Variants in PDE8B observed in about 807,000 individuals in gnomAD.
The protein encoded by PDE8B is phosphodiesterase 8B.
A neutral mutation model predicts 101.3 loss-of-function variants in PDE8B; 26 were observed. The ratio of observed to expected loss-of-function variants is 0.26; its 90% CI spans 0.19 to 0.36. The LOEUF (loss-of-function observed/expected upper bound fraction) is 0.36. Among genes scored for constraint, PDE8B ranks in the 10% least tolerant of loss-of-function variants. The pLI, the probability that PDE8B is intolerant of heterozygous loss-of-function variation, is 1.00. For synonymous variants in PDE8B, 424 were observed against 429.3 expected (o/e 0.99, Z 0.15); for missense variants, 810 against 1,163.1 (o/e 0.70, Z 4.42).
At chr5:77,264,918 T>C (rs1761373536) in intron 1 of PDE8B, among the ~76,000 whole-genome samples, 1 of 152,186 alleles carries the variant, frequency 6.6e-6, no homozygotes, top group Admixed American at 6.5e-5. Context: ...ATTTAACTAC[T>C]CTTACTTTAT....
chr5:77,315,713 G>T (rs1222577187), intron 2 of PDE8B, among the ~76,000 whole-genome samples: 1 of 152,136 alleles, frequency 6.6e-6, no homozygotes, highest in African/African-American at 2.4e-5. Flanking sequence ...GTTAATACTT[G>T]CTGGTATTTT....
At chr5:77,103,491 G>T in the PDE8B span, among the ~76,000 whole-genome samples, 3 of 152,160 alleles carry the variant, frequency 2.0e-5, no homozygotes, top group Non-Finnish European at 4.4e-5. Context: ...GGAATAGCAG[G>T]AATGCTGTAT....
chr5:77,312,957 A>G (rs903425880), intron 2 of PDE8B, among the ~76,000 whole-genome samples: 3 of 152,220 alleles, frequency 2.0e-5, no homozygotes, highest in African/African-American at 7.2e-5. Flanking sequence ...TCCTCCTTGC[A>G]GCCCTTCCAG....
the PDE8B span, among the ~76,000 whole-genome samples, chr5:77,097,729 A>ATCTATCTATATATATC: frequency 1.5e-5 from 1 of 68,812 alleles, no homozygotes; most frequent in African/African-American, 3.7e-5. Flanking sequence ...ATATATATAT[A>ATCTATCTATATATATC]TATACATACA....
chr5:77,235,517 A>G (rs1322095694), intron 1 of PDE8B, among the ~76,000 whole-genome samples: 1 of 152,190 alleles, frequency 6.6e-6, no homozygotes, highest in Non-Finnish European at 1.5e-5. Flanking sequence ...TCATTTAGCT[A>G]TACAACAAGT....
At chr5:77,207,198 T>C (rs1171318719), upstream of PDE8B, among the ~76,000 whole-genome samples, 1 of 152,266 alleles carries the variant, frequency 6.6e-6, no homozygotes, top group Admixed American at 6.5e-5. Context: ...TATTTGGTTA[T>C]CTAAAAATCA....
the PDE8B span, among the ~76,000 whole-genome samples, chr5:77,117,983 G>A: frequency 6.6e-6 from 1 of 152,064 alleles, no homozygotes; most frequent in East Asian, 1.9e-4. Flanking sequence ...CCCTTAGGCT[G>A]GAGTGCAGTG....
chr5:77,214,470 T>G (rs568087636), intron 1 of PDE8B, among the ~76,000 whole-genome samples: 108 of 152,208 alleles, frequency 7.1e-4, no homozygotes, highest in Non-Finnish European at 1.3e-3. Flanking sequence ...TCAGGAAATA[T>G]CCATGAAATT....
chr5:77,305,915 CTG>C (rs1015738754), intron 1 of PDE8B, among the ~76,000 whole-genome samples: 2 of 152,172 alleles, frequency 1.3e-5, no homozygotes, highest in Admixed American at 6.5e-5. Flanking sequence ...TTGCCTTAAG[CTG>C]TGTGTGTGCG....
At chr5:77,425,053 A>C (rs1561703780) in intron 20 of PDE8B, among the ~76,000 whole-genome samples, 1 of 152,168 alleles carries the variant, frequency 6.6e-6, no homozygotes, top group Non-Finnish European at 1.5e-5. Flanking sequence ...CTATTAATAC[A>C]GTTTGGTGCT....
chr5:77,389,001 T>C (rs954188061), intron 10 of PDE8B, among the ~76,000 whole-genome samples: 1 of 152,184 alleles, frequency 6.6e-6, no homozygotes, highest in Non-Finnish European at 1.5e-5. Context: ...ATCTGAGCTT[T>C]CTGGGCTCTG....
chr5:77,389,357 G>C (rs1237388858), intron 10 of PDE8B, among the ~76,000 whole-genome samples: 2 of 152,134 alleles, frequency 1.3e-5, no homozygotes, highest in Non-Finnish European at 2.9e-5. Flanking sequence ...CCCAGGTGAG[G>C]CAATGCCCCA....
chr5:77,155,534 T>G, the PDE8B span, among the ~76,000 whole-genome samples: 1 of 152,264 alleles, frequency 6.6e-6, no homozygotes, highest in Non-Finnish European at 1.5e-5. Context: ...TCTCTCTGTG[T>G]CTGTTTCCTT....
the PDE8B span, among the ~76,000 whole-genome samples, chr5:77,204,011 T>TA: frequency 8.8e-5 from 13 of 148,102 alleles, no homozygotes; most frequent in Admixed American, 2.7e-4. Flanking sequence ...TTGTAAATGT[T>TA]AAAAAAAAAT....
chr5:77,309,277 G>T (rs1270325205), intron 1 of PDE8B, among the ~76,000 whole-genome samples: 2 of 152,004 alleles, frequency 1.3e-5, no homozygotes, highest in African/African-American at 4.8e-5. Flanking sequence ...GAGAAAGAAA[G>T]AGAGAAAGAA....
At chr5:77,224,655 G>C (rs976609129) in intron 1 of PDE8B, among the ~76,000 whole-genome samples, 2 of 152,286 alleles carry the variant, frequency 1.3e-5, no homozygotes, top group South Asian at 4.1e-4. Context: ...CAGTGTTGAA[G>C]TTTCCCTATC....
chr5:77,280,865 C>T (rs1209485564), intron 1 of PDE8B, among the ~76,000 whole-genome samples: 4 of 152,144 alleles, frequency 2.6e-5, no homozygotes, highest in African/African-American at 9.7e-5. Context: ...CCACTGCACT[C>T]CAGCCTGGGT....
At chr5:77,200,719 G>A in the PDE8B span, among the ~76,000 whole-genome samples, 4 of 152,146 alleles carry the variant, frequency 2.6e-5, no homozygotes, top group African/African-American at 4.8e-5. Flanking sequence ...CTCAGGCCTC[G>A]CAGTCTGTGT....
chr5:77,312,651 G>A (rs1450910438), intron 2 of PDE8B, among the ~76,000 whole-genome samples: 2 of 152,190 alleles, frequency 1.3e-5, no homozygotes, highest in Admixed American at 6.5e-5. Context: ...TGCATATATT[G>A]CTTCACTCCT....
Sources: gnomAD v4.1 joint callset for allele counts (sites outside exome capture counted in the v4.1 genomes callset) on GRCh38, gnomAD v4.1.1 for gene constraint, MANE v1.5 for transcripts, NCBI Gene and HGNC (gene_info 2026-07-23, HGNC 2026-07-21) for gene names.